PREX1: variants seen among roughly 807,000 people sequenced by gnomAD.
PREX1 encodes phosphatidylinositol 3,4,5-trisphosphate-dependent Rac exchanger 1 protein.
PREX1 carries 41 observed loss-of-function variants against 198.3 expected under a neutral mutation model. The observed-to-expected ratio is 0.21, with a 90% CI of 0.16 to 0.27. PREX1 has a LOEUF of 0.27. Among genes scored for constraint, PREX1 ranks in the 10% least tolerant of loss-of-function variants. The pLI, the probability that PREX1 is intolerant of heterozygous loss-of-function variation, is 1.00. For missense variants in PREX1, 1,620 were observed against 2,200.7 expected (o/e 0.74, Z 5.28); for synonymous variants, 843 against 887.2 (o/e 0.95, Z 0.89).
At chr20:48,632,414 C>G (rs536605534) in intron 34 of PREX1, 23 bp from the exon 35 acceptor site, 1 of 1,612,942 alleles carries the variant, frequency 6.2e-7, no homozygotes. Context: ...ATGTCGGGGG[C>G]GGGCAGGCGG....
intron 1 of PREX1, among the ~76,000 whole-genome samples, chr20:48,812,439 T>G (rs2090440588): frequency 6.6e-6 from 1 of 150,940 alleles, no homozygotes; most frequent in Non-Finnish European, 1.5e-5. Context: ...GTAAATAATG[T>G]AAGAGGAATG....
chr20:48,839,611 G>C, the PREX1 span, among the ~76,000 whole-genome samples: 1 of 152,120 alleles, frequency 6.6e-6, no homozygotes, highest in Non-Finnish European at 1.5e-5. Context: ...GCATGCTTGC[G>C]CTACCTGGTC....
intron 5 of PREX1, among the ~76,000 whole-genome samples, chr20:48,725,765 C>G (rs1442382080): frequency 2.0e-5 from 3 of 152,240 alleles, no homozygotes; most frequent in Admixed American, 2.0e-4. Flanking sequence ...GAACACAACA[C>G]TGCCCTGCTC....
intron 1 of PREX1, among the ~76,000 whole-genome samples, chr20:48,817,848 A>T (rs1078624): frequency 6.6e-6 from 1 of 152,086 alleles, no homozygotes; most frequent in Non-Finnish European, 1.5e-5. Context: ...TCTACTATGT[A>T]GCAGGCATTG....
At chr20:48,699,317 T>A (rs1382146026) in intron 7 of PREX1, among the ~76,000 whole-genome samples, 1 of 152,178 alleles carries the variant, frequency 6.6e-6, no homozygotes, top group African/African-American at 2.4e-5. Flanking sequence ...CTCTGGAACA[T>A]CACTATTTTG....
At position 48,642,240 on chromosome 20, in the gene PREX1, G is replaced by A. The variant is rs1484807638; in HGVS notation, c.3703C>T (p.Leu1235Phe). The A allele has an allele frequency of 1.9e-6, 3 of 1,614,198 alleles. No individual in the cohort carries two copies. The South Asian group carries it at 3.3e-5, about 18-fold the overall frequency. Residue 1235 changes from leucine to phenylalanine, a missense_variant, in exon 29 of 40, where the codon CTC (leucine) becomes TTC (phenylalanine). Leu to Phe is a conservative substitution (Grantham distance 22). Transcript: ENST00000371941. ...CGGCTCATGACTGGCCCCTTGAGGA[G>A]AGCATTGATGGAGTCCACCTGGGTG... ...LFNQVDSINALLKGPVMSRAF... is the reference protein window; with the variant it reads ...LFNQVDSINAFLKGPVMSRAF...
chr20:48,790,299 A>C (rs1261337200), intron 1 of PREX1, among the ~76,000 whole-genome samples: 1 of 152,172 alleles, frequency 6.6e-6, no homozygotes, highest in East Asian at 1.9e-4. Flanking sequence ...TGTCAAATCC[A>C]TTCTAGGGCT....
chr20:48,701,151 G>A (rs890680712), intron 6 of PREX1, among the ~76,000 whole-genome samples: 22 of 152,138 alleles, frequency 1.4e-4, no homozygotes, highest in Admixed American at 1.4e-3. Context: ...GACTCACCCA[G>A]CTCATACAGG....
chr20:48,813,651 TG>T, intron 1 of PREX1, among the ~76,000 whole-genome samples: 1 of 152,184 alleles, frequency 6.6e-6, no homozygotes, highest in Admixed American at 6.5e-5. Context: ...TGTGTGTGCA[TG>T]ATGGAGACAG....
the PREX1 span, among the ~76,000 whole-genome samples, chr20:48,844,990 G>A: frequency 2.1e-4 from 32 of 152,246 alleles, no homozygotes; most frequent in African/African-American, 5.1e-4. Context: ...GTCCCAACTT[G>A]AATCAATTAT....
chr20:48,718,275 A>G (rs189095677), intron 5 of PREX1, among the ~76,000 whole-genome samples: 77 of 152,338 alleles, frequency 5.1e-4, no homozygotes, highest in Non-Finnish European at 8.7e-4. Context: ...CAGGCTCTGC[A>G]CAGGCATTTC....
chr20:48,772,848 C>T (rs566040377), intron 1 of PREX1, among the ~76,000 whole-genome samples: 7 of 152,294 alleles, frequency 4.6e-5, no homozygotes, highest in South Asian at 4.1e-4. Context: ...TCACTACGTT[C>T]GCCGACCTCA....
rs1370524454 is a variant in PREX1, at chr20:48,752,195, C to A, written c.220-4315G>T. On this transcript the variant is annotated intron_variant, in intron 1 of 39. Transcript: ENST00000371941. ...AGGAATCATTACAGAGAGAGGTGAG[C>A]CACTGGGCACCTTCTCTCCCTGCAA... 2.0e-5 allele frequency among the ~76,000 whole-genome samples: 3 copies of A among 152,196 alleles called. No homozygotes were observed. The East Asian group carries it at 5.8e-4, about 29-fold the overall frequency.
chr20:48,805,619 G>T (rs1160010045), intron 1 of PREX1, among the ~76,000 whole-genome samples: 2 of 152,184 alleles, frequency 1.3e-5, no homozygotes, highest in African/African-American at 4.8e-5. Context: ...TGGGTCTCCA[G>T]GGTCCCCTCA....
chr20:48,854,443 C>T, the PREX1 span, among the ~76,000 whole-genome samples: 1 of 152,126 alleles, frequency 6.6e-6, no homozygotes, highest in Non-Finnish European at 1.5e-5. Flanking sequence ...TGCCTATAAT[C>T]CCTGCTACTT....
the PREX1 span, among the ~76,000 whole-genome samples, chr20:48,845,400 A>C: frequency 2.0e-5 from 3 of 152,332 alleles, no homozygotes; most frequent in African/African-American, 7.2e-5. Context: ...CCAACTCTGC[A>C]AAGCATGAGA....
chr20:48,643,063 G>C (rs992836590), intron 27 of PREX1, among the ~76,000 whole-genome samples: 1 of 152,220 alleles, frequency 6.6e-6, no homozygotes, highest in African/African-American at 2.4e-5. Flanking sequence ...AGAACCAAGG[G>C]TGGGGGGGAG....
At chr20:48,668,171 G>A (rs538072351) in intron 14 of PREX1, among the ~76,000 whole-genome samples, 21 of 152,240 alleles carry the variant, frequency 1.4e-4, no homozygotes, top group South Asian at 8.3e-4. Flanking sequence ...GCGTGCATGC[G>A]CATGTGCAGG....
intron 1 of PREX1, among the ~76,000 whole-genome samples, chr20:48,779,332 C>T (rs73258472): frequency 0.016 from 2,492 of 152,226 alleles, 64 homozygotes; most frequent in African/African-American, 0.057. Context: ...TTGAAAAACC[C>T]GACAATACCA....
Sources: gnomAD v4.1 joint callset for allele counts (sites outside exome capture counted in the v4.1 genomes callset) on GRCh38, gnomAD v4.1.1 for gene constraint, MANE v1.5 for transcripts, NCBI Gene and HGNC (gene_info 2026-07-23, HGNC 2026-07-21) for gene names.